HHLA2: variants seen among roughly 807,000 people sequenced by gnomAD.
HHLA2 encodes the protein HHLA2 member of B7 family, also known as HERV-H LTR-associating protein 2.
Under a neutral mutation model 45.9 loss-of-function variants are expected in HHLA2, and 48 were observed. The ratio of observed to expected loss-of-function variants is 1.05; its 90% CI spans 0.83 to 1.33. HHLA2 has a LOEUF of 1.33. Among genes scored for constraint, HHLA2 ranks in the 40% most tolerant of loss-of-function variants. The pLI is 0.00. For missense variants in HHLA2, 462 were observed against 494.3 expected (o/e 0.93, Z 0.62); for synonymous variants, 161 against 173.9 (o/e 0.93, Z 0.59).
chr3:108,296,635 C>G (rs2080765584), intron 1 of HHLA2, 36 bp downstream of exon 1: 1 of 152,194 alleles, frequency 6.6e-6, no homozygotes, highest in African/African-American at 2.4e-5. Context: ...ATACCTAGAA[C>G]TTAAAAGTGG....
At chr3:108,327,904 G>A (rs933831477) in intron 2 of HHLA2, among the ~76,000 whole-genome samples, 4 of 152,062 alleles carry the variant, frequency 2.6e-5, no homozygotes, top group Non-Finnish European at 5.9e-5. Flanking sequence ...AGGCTGAGGT[G>A]GGTAGATCAC....
In HHLA2 at chr3:108,371,540, A is replaced by G. The variant is rs548049664; in HGVS notation, c.1109-4210A>G. ...AAAGACACAGAGTGGCAAATTGGAT[A>G]AACAGTCAAGACCCATCAGTGTGCT... On this transcript the variant is annotated intron_variant, in intron 8 of 10. Transcript: ENST00000619531. Among the ~76,000 whole-genome samples, 303 of 152,340 alleles carry G rather than the reference A, an allele frequency of 2.0e-3. 1 individual carries two copies. Among genetic ancestry groups the G allele is most frequent in the African/African-American group, 7.0e-3 (289 of 41,570 alleles).
chr3:108,362,451 T>G lies in HHLA2; in HGVS notation c.1108+5T>G. ...GGAGCGTAAAATGTTGCAGAGGTAA[T>G]AGAAGAATTTGGGCTCTGCCCCACG... On this transcript the variant is annotated splice_donor_5th_base_variant and intron_variant, in intron 8 of 10. Coordinates refer to ENST00000619531, the Ensembl canonical transcript of HHLA2. The G allele has an allele frequency of 1.3e-6, 2 of 1,591,136 alleles. No homozygotes were observed. Among genetic ancestry groups the G allele is most frequent in the Non-Finnish European group, 1.7e-6 (2 of 1,163,496 alleles).
intron 1 of HHLA2, among the ~76,000 whole-genome samples, chr3:108,306,165 C>A (rs183308381): frequency 4.7e-4 from 72 of 152,326 alleles, no homozygotes; most frequent in African/African-American, 1.7e-3. Flanking sequence ...CTTCCTCTCT[C>A]CTTTAACATC....
intron 4 of HHLA2, 60 bp downstream of exon 3, chr3:108,351,937 C>T: frequency 8.5e-7 from 1 of 1,174,948 alleles, no homozygotes; most frequent in South Asian, 1.3e-5. Flanking sequence ...AACATGAGCA[C>T]ACAATGCAAG....
intron 2 of HHLA2, among the ~76,000 whole-genome samples, chr3:108,311,130 G>T (rs2081011785): frequency 6.6e-6 from 1 of 152,180 alleles, no homozygotes; most frequent in African/African-American, 2.4e-5. Context: ...TATCAGCGGT[G>T]TGATTTGCAA....
intron 1 of HHLA2, among the ~76,000 whole-genome samples, chr3:108,306,219 T>G (rs958470134): frequency 6.6e-6 from 1 of 152,162 alleles, no homozygotes; most frequent in African/African-American, 2.4e-5. Flanking sequence ...CCCTTTATCC[T>G]TCACAGGAAT....
intron 3 of HHLA2, among the ~76,000 whole-genome samples, chr3:108,340,951 T>TCTTC (rs1157881886): frequency 9.6e-6 from 1 of 104,192 alleles, no homozygotes; most frequent in African/African-American, 4.8e-5. Flanking sequence ...TTCCTTCCTT[T>TCTTC]CTTTCTTTCT....
chr3:108,322,742 C>T (rs1317812561), intron 2 of HHLA2, among the ~76,000 whole-genome samples: 1 of 152,218 alleles, frequency 6.6e-6, no homozygotes, highest in Non-Finnish European at 1.5e-5. Context: ...AATGTGTTCT[C>T]ACCTCTTGGT....
chr3:108,330,110 C>G (rs575367196), intron 3 of HHLA2, among the ~76,000 whole-genome samples: 1 of 152,266 alleles, frequency 6.6e-6, no homozygotes, highest in East Asian at 1.9e-4. Context: ...CAGCTGATCT[C>G]TTCAAGAGTG....
At chr3:108,330,080 G>A (rs1357233168) in intron 3 of HHLA2, among the ~76,000 whole-genome samples, 1 of 152,098 alleles carries the variant, frequency 6.6e-6, no homozygotes, top group Non-Finnish European at 1.5e-5. Context: ...GCTCTCTGTG[G>A]GGCCATTCAC....
intron 7 of HHLA2, 42 bp downstream of exon 6, chr3:108,358,203 C>A: frequency 7.1e-7 from 1 of 1,413,186 alleles, no homozygotes; most frequent in Non-Finnish European, 9.7e-7. Flanking sequence ...TTGGCTGTAG[C>A]ATTAGAGGTT....
chr3:108,302,312 G>A (rs1045701990), intron 1 of HHLA2, among the ~76,000 whole-genome samples: 11 of 152,182 alleles, frequency 7.2e-5, no homozygotes, highest in African/African-American at 2.7e-4. Flanking sequence ...ACTGGAAACT[G>A]TAAATATTTT....
chr3:108,375,678 A>C, intron 8 of HHLA2, 72 bp from the exon 8 acceptor site: 1 of 1,554,266 alleles, frequency 6.4e-7, no homozygotes. Context: ...GAGCCATACC[A>C]AGGTGACCTT....
intron 3 of HHLA2, among the ~76,000 whole-genome samples, chr3:108,330,357 TAC>T (rs1389557156): frequency 6.6e-6 from 1 of 152,192 alleles, no homozygotes; most frequent in Non-Finnish European, 1.5e-5. Flanking sequence ...GCCCCCAATG[TAC>T]ACACTATGTA....
intron 3 of HHLA2, among the ~76,000 whole-genome samples, chr3:108,339,490 G>T (rs547013090): frequency 6.6e-6 from 1 of 152,062 alleles, no homozygotes; most frequent in Non-Finnish European, 1.5e-5. Flanking sequence ...CTATAAAATG[G>T]AAATTATAAT....
chr3:108,372,280 A>C (rs1396157489), intron 8 of HHLA2, among the ~76,000 whole-genome samples: 1 of 152,072 alleles, frequency 6.6e-6, no homozygotes, highest in East Asian at 1.9e-4. Flanking sequence ...GAAACCAATG[A>C]GAACAAAGAC....
intron 3 of HHLA2, among the ~76,000 whole-genome samples, chr3:108,349,138 C>T (rs2081727181): frequency 1.3e-5 from 2 of 151,120 alleles, no homozygotes; most frequent in Non-Finnish European, 1.5e-5. Context: ...TAACTAAGAT[C>T]AGAGAAGAAC....
chr3:108,331,637 T>C (rs1267270798), intron 3 of HHLA2, among the ~76,000 whole-genome samples: 2 of 152,130 alleles, frequency 1.3e-5, no homozygotes, highest in Non-Finnish European at 2.9e-5. Flanking sequence ...CTTCTCAAAA[T>C]TTGATCCTTG....
Sources: gnomAD v4.1 joint callset for allele counts (sites outside exome capture counted in the v4.1 genomes callset) on GRCh38, gnomAD v4.1.1 for gene constraint, MANE v1.5 for transcripts, NCBI Gene and HGNC (gene_info 2026-07-23, HGNC 2026-07-21) for gene names.